The following NTNG1 variants were observed in gnomAD, a reference collection of about 807,000 sequenced individuals.
NTNG1 encodes netrin-G1.
NTNG1 carries 16 observed loss-of-function variants against 54.0 expected under a neutral mutation model. The observed-to-expected ratio is 0.30, with a 90% CI of 0.20 to 0.45. NTNG1 has a LOEUF of 0.45. Among genes scored for constraint, NTNG1 ranks in the 20% least tolerant of loss-of-function variants. The pLI, the probability that NTNG1 is intolerant of heterozygous loss-of-function variation, is 1.00. For synonymous variants in NTNG1, 255 were observed against 263.1 expected (o/e 0.97, Z 0.30); for missense variants, 530 against 678.7 (o/e 0.78, Z 2.43).
chr1:107,146,005 T>C (rs994508637), intron 1 of NTNG1, among the ~76,000 whole-genome samples: 1 of 152,066 alleles, frequency 6.6e-6, no homozygotes, highest in Non-Finnish European at 1.5e-5. Flanking sequence ...TAATGCAAAA[T>C]GTGGTTGAGG....
intron 3 of NTNG1, among the ~76,000 whole-genome samples, chr1:107,333,099 C>G (rs1208953852): frequency 6.6e-6 from 1 of 152,010 alleles, no homozygotes; most frequent in African/African-American, 2.4e-5. Context: ...CACTGGCTCT[C>G]TCTTGCATTG....
intron 2 of NTNG1, among the ~76,000 whole-genome samples, chr1:107,289,733 A>G (rs933234969): frequency 1.3e-5 from 2 of 152,178 alleles, no homozygotes; most frequent in African/African-American, 4.8e-5. Flanking sequence ...TGTATACTGC[A>G]TACAGCCTGG....
chr1:107,216,723 G>C (rs1659986469), intron 2 of NTNG1, among the ~76,000 whole-genome samples: 1 of 150,658 alleles, frequency 6.6e-6, no homozygotes, highest in Admixed American at 6.6e-5. Context: ...CTGTCGCCCA[G>C]CTGGAATGTA....
chr1:107,355,401 C>A (rs965499364), intron 3 of NTNG1, among the ~76,000 whole-genome samples: 1 of 151,678 alleles, frequency 6.6e-6, no homozygotes, highest in Admixed American at 6.6e-5. Flanking sequence ...ATTTATCTTT[C>A]CCAATTCTTT....
intron 4 of NTNG1, among the ~76,000 whole-genome samples, chr1:107,398,154 C>G (rs1447977167): frequency 6.6e-6 from 1 of 152,074 alleles, no homozygotes; most frequent in Non-Finnish European, 1.5e-5. Flanking sequence ...CTAGATTTAG[C>G]AGAATATCAA....
chr1:107,201,583 A>G (rs1445719875), intron 2 of NTNG1, among the ~76,000 whole-genome samples: 1 of 151,718 alleles, frequency 6.6e-6, no homozygotes, highest in Non-Finnish European at 1.5e-5. Flanking sequence ...TCCATTCTGT[A>G]TTCTTGATCA....
intron 3 of NTNG1, among the ~76,000 whole-genome samples, chr1:107,391,723 A>G (rs1672377354): frequency 6.6e-6 from 1 of 151,990 alleles, no homozygotes; most frequent in African/African-American, 2.4e-5. Flanking sequence ...GAGGTACCAC[A>G]CTTTTTAAAC....
At chr1:107,164,740 T>C (rs1466746766) in intron 2 of NTNG1, among the ~76,000 whole-genome samples, 2 of 152,246 alleles carry the variant, frequency 1.3e-5, no homozygotes, top group East Asian at 3.8e-4. Flanking sequence ...GTTTTGCATC[T>C]ACATTTTTAC....
intron 2 of NTNG1, among the ~76,000 whole-genome samples, chr1:107,220,807 G>A (rs1660289482): frequency 1.3e-5 from 2 of 152,086 alleles, no homozygotes; most frequent in Admixed American, 6.6e-5. Flanking sequence ...TCACAATCAG[G>A]CACTATACCC....
intron 2 of NTNG1, among the ~76,000 whole-genome samples, chr1:107,202,015 T>A (rs908142922): frequency 6.6e-6 from 1 of 151,932 alleles, no homozygotes; most frequent in Non-Finnish European, 1.5e-5. Flanking sequence ...ATAGTTCTTT[T>A]GGCTTTAAAT....
intron 2 of NTNG1, among the ~76,000 whole-genome samples, chr1:107,244,527 A>G (rs924198144): frequency 6.6e-6 from 1 of 152,198 alleles, no homozygotes; most frequent in Non-Finnish European, 1.5e-5. Flanking sequence ...ATGTGAGATC[A>G]TGTTCAAGCT....
At chr1:107,308,857 C>T (rs1666842484) in intron 2 of NTNG1, among the ~76,000 whole-genome samples, 1 of 152,098 alleles carries the variant, frequency 6.6e-6, no homozygotes, top group African/African-American at 2.4e-5. Context: ...CTCTGGTTAG[C>T]TGTATTTCTA....
At chr1:107,310,325 T>TA (rs1347756358) in intron 2 of NTNG1, among the ~76,000 whole-genome samples, 3 of 152,200 alleles carry the variant, frequency 2.0e-5, no homozygotes, top group African/African-American at 4.8e-5. Context: ...TTCAAAATGA[T>TA]ACAGCTTTCT....
Position 107,482,473 on chromosome 1 carries a change from G to A in NTNG1, c.*1633G>A, listed in dbSNP as rs1452741354. The A allele has an allele frequency of 2.0e-5, 3 of 152,236 alleles. No individual in the cohort carries two copies. Among genetic ancestry groups the A allele is most frequent in the Non-Finnish European group, 4.4e-5 (3 of 68,070 alleles). 9.4% of individuals were successfully genotyped at this position (152,236 alleles called of 1,614,324 possible). On this transcript the variant is annotated 3_prime_UTR_variant, in exon 8 of 8. Coordinates refer to ENST00000370068, the MANE Select transcript of NTNG1 (RefSeq NM_001113226.3). ...TTACTGTGCAAGACAGCAAGGGGAG[G>A]CAGGTGGGGAAGAACCTTTGCAAAG...
chr1:107,346,036 G>A (rs747450996), intron 3 of NTNG1, among the ~76,000 whole-genome samples: 4 of 152,174 alleles, frequency 2.6e-5, no homozygotes, highest in Non-Finnish European at 4.4e-5. Flanking sequence ...GATAAGCCTC[G>A]ATTTGAGTTG....
intron 2 of NTNG1, among the ~76,000 whole-genome samples, chr1:107,202,237 G>C (rs1004792763): frequency 6.6e-6 from 1 of 151,638 alleles, no homozygotes; most frequent in African/African-American, 2.4e-5. Flanking sequence ...TGGCTGACTT[G>C]TACTTTTTCC....
chr1:107,289,256 G>A (rs990997200), intron 2 of NTNG1, among the ~76,000 whole-genome samples: 1 of 152,038 alleles, frequency 6.6e-6, no homozygotes, highest in Admixed American at 6.6e-5. Context: ...TCTTCATCGG[G>A]AACCTTGTGC....
intron 2 of NTNG1, among the ~76,000 whole-genome samples, chr1:107,282,076 A>G (rs1664900523): frequency 6.6e-6 from 1 of 152,172 alleles, no homozygotes; most frequent in South Asian, 2.1e-4. Context: ...TATTATGATC[A>G]TTTACAGATA....
At chr1:107,171,266 A>G (rs1299261890) in intron 2 of NTNG1, among the ~76,000 whole-genome samples, 1 of 152,016 alleles carries the variant, frequency 6.6e-6, no homozygotes, top group Admixed American at 6.6e-5. Context: ...CCCCCAAAAA[A>G]GTTTTCATTT....
Sources: allele counts gnomAD v4.1 joint callset (sites outside exome capture counted in the v4.1 genomes callset), GRCh38; gene constraint gnomAD v4.1.1; transcripts MANE v1.5; gene names NCBI Gene and HGNC (gene_info 2026-07-23, HGNC 2026-07-21).